Variants in DNAH9 observed in about 807,000 individuals in gnomAD.
DNAH9 encodes DNAH9 variant protein.
Under a neutral mutation model 471.6 loss-of-function variants are expected in DNAH9, and 345 were observed. The observed-to-expected ratio is 0.73, with a 90% CI of 0.67 to 0.80. The LOEUF (loss-of-function observed/expected upper bound fraction) is 0.80. Ranked by LOEUF, DNAH9 falls within the 30% of genes least tolerant of loss-of-function variation. The pLI, the probability that DNAH9 is intolerant of heterozygous loss-of-function variation, is 0.00. For missense variants in DNAH9, 5,407 were observed against 5,609.2 expected, an observed-to-expected ratio of 0.96 and a Z score of 1.15; for synonymous variants, 2,093 against 2,123.6, an observed-to-expected ratio of 0.99 and a Z score of 0.40.
chr17:11,746,392 A>G (rs564611765), intron 31 of DNAH9, among the ~76,000 whole-genome samples: 1 of 152,312 alleles, frequency 6.6e-6, no homozygotes, highest in South Asian at 2.1e-4. Context: ...AACATTTATC[A>G]CAGATCTAAT....
In DNAH9 at chr17:11,834,665, G is replaced by T. The variant is rs747104009; in HGVS notation, c.9274G>T (p.Ala3092Ser). ...GGATGATCTGAAAGCAAAGCTGGCTGCCCAGGAAGTAGAGCTGAAGCAGAA... is the reference window on the plus strand; with the variant it reads ...GGATGATCTGAAAGCAAAGCTGGCTTCCCAGGAAGTAGAGCTGAAGCAGAA... ...QVDDLKAKLA[A>S]QEVELKQKNE... Residue 3092 changes from alanine to serine, a missense_variant, in exon 49 of 69, where the codon GCC becomes TCC. Transcript: ENST00000262442. 4 of 1,613,992 alleles carry T rather than the reference G, an allele frequency of 2.5e-6. No individual in the cohort carries two copies. Among genetic ancestry groups the T allele is most frequent in the African/African-American group, 2.7e-5 (2 of 74,924 alleles).
intron 61 of DNAH9, among the ~76,000 whole-genome samples, chr17:11,919,706 G>A (rs1469701586): frequency 6.6e-6 from 1 of 152,070 alleles, no homozygotes; most frequent in Admixed American, 6.6e-5. Flanking sequence ...GTCTTAGAAA[G>A]TTGAGTAGTA....
At chr17:11,786,054 G>A (rs1968857709) in intron 41 of DNAH9, among the ~76,000 whole-genome samples, 1 of 150,338 alleles carries the variant, frequency 6.7e-6, no homozygotes, top group African/African-American at 2.5e-5. Context: ...GCTCTATGAA[G>A]TGGGGGTGTT....
chr17:11,693,660 A>G (rs2074377018), intron 20 of DNAH9, among the ~76,000 whole-genome samples: 1 of 152,160 alleles, frequency 6.6e-6, no homozygotes, highest in African/African-American at 2.4e-5. Flanking sequence ...TACATAAACA[A>G]AAGCTCTTTG....
At chr17:11,770,447 G>T (rs80065140) in intron 38 of DNAH9, among the ~76,000 whole-genome samples, 1 of 112,244 alleles carries the variant, frequency 8.9e-6, no homozygotes, top group Non-Finnish European at 1.7e-5. Context: ...ATGCTGATGG[G>T]GGGGAGCACC....
At chr17:11,693,075 T>C (rs1443635416) in intron 20 of DNAH9, among the ~76,000 whole-genome samples, 2 of 149,304 alleles carry the variant, frequency 1.3e-5, no homozygotes, top group African/African-American at 4.9e-5. Flanking sequence ...CCGGCTTTTT[T>C]TTTTTTTTTT....
chr17:11,782,649 C>T (rs1355410523), intron 39 of DNAH9, among the ~76,000 whole-genome samples: 1 of 152,216 alleles, frequency 6.6e-6, no homozygotes, highest in Non-Finnish European at 1.5e-5. Flanking sequence ...GTAATCCCAG[C>T]ACTTTGGGAG....
At chr17:11,625,579 T>G (rs1597402625) in intron 6 of DNAH9, among the ~76,000 whole-genome samples, 1 of 152,344 alleles carries the variant, frequency 6.6e-6, no homozygotes, top group South Asian at 2.1e-4. Flanking sequence ...AAGGTTCTTC[T>G]TTTAAGATGG....
At chr17:11,885,974 A>G (rs1048156863) in intron 56 of DNAH9, among the ~76,000 whole-genome samples, 1 of 152,238 alleles carries the variant, frequency 6.6e-6, no homozygotes, top group African/African-American at 2.4e-5. Flanking sequence ...AGCATAGTCT[A>G]ACAGAAATCT....
At chr17:11,919,524 G>A (rs774350306) in intron 61 of DNAH9, among the ~76,000 whole-genome samples, 145 of 147,996 alleles carry the variant, frequency 9.8e-4, no homozygotes, top group Non-Finnish European at 1.7e-3. Context: ...AAAAAAAAGA[G>A]GGATCCATTA....
intron 27 of DNAH9, among the ~76,000 whole-genome samples, chr17:11,726,830 C>T (rs974587895): frequency 1.3e-5 from 2 of 152,042 alleles, no homozygotes; most frequent in African/African-American, 4.8e-5. Context: ...GGGTTGATTG[C>T]AAAGTCAGGA....
intron 61 of DNAH9, among the ~76,000 whole-genome samples, chr17:11,918,969 A>G (rs1312913516): frequency 6.6e-6 from 1 of 151,264 alleles, no homozygotes; most frequent in Non-Finnish European, 1.5e-5. Context: ...CTGGGTGACA[A>G]GCGAGAAACT....
intron 29 of DNAH9, 96 bp downstream of exon 29, chr17:11,739,133 G>A: frequency 8.0e-7 from 1 of 1,244,120 alleles, no homozygotes; most frequent in South Asian, 1.6e-5. Flanking sequence ...AAGAAAATTT[G>A]GAACATTTGG....
At chr17:11,761,404 C>T (rs543469437) in intron 35 of DNAH9, among the ~76,000 whole-genome samples, 38 of 152,170 alleles carry the variant, frequency 2.5e-4, no homozygotes, top group Non-Finnish European at 4.6e-4. Context: ...AGGGGAAATC[C>T]GACTTCTCTT....
intron 67 of DNAH9, among the ~76,000 whole-genome samples, chr17:11,946,886 C>T (rs77912270): frequency 7.1e-4 from 108 of 152,096 alleles, no homozygotes; most frequent in African/African-American, 2.6e-3. Flanking sequence ...GACTGGGCAC[C>T]AAGGTTAGAA....
chr17:11,851,111 T>TGTA (rs1031650882), intron 49 of DNAH9, among the ~76,000 whole-genome samples: 1 of 151,080 alleles, frequency 6.6e-6, no homozygotes, highest in Non-Finnish European at 1.5e-5. Flanking sequence ...TTGTTGTTGT[T>TGTA]GTTGTTGTTG....
intron 23 of DNAH9, 104 bp from the exon 24 acceptor site, chr17:11,701,014 ATGTG>A: frequency 1.7e-6 from 2 of 1,204,242 alleles, no homozygotes; most frequent in Non-Finnish European, 2.4e-6. Context: ...GCTGTATACA[ATGTG>A]TGGGCTCCCT....
chr17:11,674,928 T>G (rs867122391), intron 17 of DNAH9, among the ~76,000 whole-genome samples: 4 of 152,188 alleles, frequency 2.6e-5, no homozygotes, highest in Non-Finnish European at 5.9e-5. Context: ...TCCACCTGGA[T>G]CATTTTCATC....
intron 19 of DNAH9, among the ~76,000 whole-genome samples, chr17:11,689,090 G>A (rs1390889104): frequency 6.9e-6 from 1 of 144,100 alleles, no homozygotes; most frequent in African/African-American, 2.7e-5. Context: ...GCGAGACTCT[G>A]TCTCAAAAAA....
Sources: gnomAD v4.1 joint callset for allele counts (sites outside exome capture counted in the v4.1 genomes callset) on GRCh38, gnomAD v4.1.1 for gene constraint, MANE v1.5 for transcripts, NCBI Gene and HGNC (gene_info 2026-07-23, HGNC 2026-07-21) for gene names.